ADARB2: variants seen among roughly 807,000 people sequenced by gnomAD.
ADARB2 encodes the protein inactive double-stranded RNA-specific editase B2.
Under a neutral mutation model 62.2 loss-of-function variants are expected in ADARB2, and 25 were observed. The ratio of observed to expected loss-of-function variants is 0.40; its 90% CI spans 0.29 to 0.56. The LOEUF is 0.56. Among genes scored for constraint, ADARB2 ranks in the 20% least tolerant of loss-of-function variants. The pLI is 0.43. For synonymous variants in ADARB2, 572 were observed against 500.8 expected, an observed-to-expected ratio of 1.14 and a Z score of -1.90; for missense variants, 1,071 against 1,077.4, an observed-to-expected ratio of 0.99 and a Z score of 0.08.
At chr10:1,282,459 A>T (rs892508550) in intron 3 of ADARB2, among the ~76,000 whole-genome samples, 1 of 152,220 alleles carries the variant, frequency 6.6e-6, no homozygotes, top group African/African-American at 2.4e-5. Context: ...GTAGTTTTCC[A>T]TAGTTGAATT....
chr10:1,696,788 G>T (rs1009191878), intron 1 of ADARB2, among the ~76,000 whole-genome samples: 1 of 152,166 alleles, frequency 6.6e-6, no homozygotes, highest in Non-Finnish European at 1.5e-5. Context: ...GCTGTGACAA[G>T]GTGGATGCAG....
intron 3 of ADARB2, among the ~76,000 whole-genome samples, chr10:1,331,493 A>G (rs904471236): frequency 2.0e-5 from 3 of 152,238 alleles, no homozygotes; most frequent in Non-Finnish European, 4.4e-5. Flanking sequence ...GCCAGACACA[A>G]ATGCTCACTT....
At chr10:1,288,575 G>A (rs1831434974) in intron 3 of ADARB2, among the ~76,000 whole-genome samples, 1 of 152,218 alleles carries the variant, frequency 6.6e-6, no homozygotes, top group Non-Finnish European at 1.5e-5. Context: ...CCCACAATGC[G>A]TGCTGCCTCT....
intron 7 of ADARB2, among the ~76,000 whole-genome samples, chr10:1,214,409 CCT>C (rs1837204422): frequency 7.8e-6 from 1 of 128,726 alleles, no homozygotes; most frequent in Non-Finnish European, 1.7e-5. Context: ...TGGGTTTGCC[CCT>C]GTGCCTGGAC....
chr10:1,500,304 T>C (rs909138151), intron 1 of ADARB2, among the ~76,000 whole-genome samples: 3 of 152,228 alleles, frequency 2.0e-5, no homozygotes, highest in African/African-American at 7.2e-5. Context: ...CCCTGAACTC[T>C]AAGGACATTT....
chr10:1,734,349 A>C lies in ADARB2; in HGVS notation c.100+2702T>G, dbSNP rs374281513. Among the ~76,000 whole-genome samples, 40 of 149,852 alleles carry C rather than the reference A, an allele frequency of 2.7e-4. 1 individual carries two copies. In the South Asian group the frequency reaches 6.1e-3, roughly 23 times the overall value. On this transcript the variant is annotated intron_variant, in intron 1 of 9. Coordinates refer to ENST00000381312, the MANE Select transcript of ADARB2 (RefSeq NM_018702.4). ...CATACAGCTGCCTTTGTGGCATAGTAACTAAAATATAACTTCTACAGAAAA... is the reference window on the plus strand; with the variant it reads ...CATACAGCTGCCTTTGTGGCATAGTCACTAAAATATAACTTCTACAGAAAA...
intron 1 of ADARB2, among the ~76,000 whole-genome samples, chr10:1,585,599 G>A (rs1179578521): frequency 6.6e-6 from 1 of 152,178 alleles, no homozygotes; most frequent in Non-Finnish European, 1.5e-5. Context: ...CCTCTCACAT[G>A]GGAATTGTGT....
At chr10:1,256,778 AT>A (rs1343857732) in intron 4 of ADARB2, among the ~76,000 whole-genome samples, 4 of 152,204 alleles carry the variant, frequency 2.6e-5, no homozygotes, top group Non-Finnish European at 5.9e-5. Flanking sequence ...ACGCTTTGCA[AT>A]TAATAGATTG....
chr10:1,575,738 A>G (rs1833002247), intron 1 of ADARB2, among the ~76,000 whole-genome samples: 1 of 152,140 alleles, frequency 6.6e-6, no homozygotes, highest in African/African-American at 2.4e-5. Context: ...GTCAAGCTCC[A>G]TGGTTTCCAG....
chr10:1,186,062 G>C (rs981737357), intron 8 of ADARB2, among the ~76,000 whole-genome samples: 1 of 152,202 alleles, frequency 6.6e-6, no homozygotes, highest in Non-Finnish European at 1.5e-5. Flanking sequence ...GACGGCCTGA[G>C]GATTCCAAAA....
chr10:1,342,140 C>T (rs114277329), intron 3 of ADARB2, among the ~76,000 whole-genome samples: 1,980 of 152,346 alleles, frequency 0.013, 52 homozygotes, highest in African/African-American at 0.045. Context: ...CCTGCTCACT[C>T]TCAAAGATGG....
chr10:1,461,863 G>A lies in ADARB2; in HGVS notation c.101-82703C>T, dbSNP rs185550136. Among the ~76,000 whole-genome samples, 123 of 152,144 alleles carry A rather than the reference G, an allele frequency of 8.1e-4. 1 individual carries two copies. The highest frequency in any genetic ancestry group is 2.2e-3 in the African/African-American group (92 of 41,510). ...AAAAATATGAAAAAATTAGCCAGGC[G>A]TGGTGGCATGCACCTGTGATTTCAG... On this transcript the variant is annotated intron_variant, in intron 1 of 9. Coordinates refer to ENST00000381312, the MANE Select transcript of ADARB2 (RefSeq NM_018702.4).
intron 5 of ADARB2, among the ~76,000 whole-genome samples, chr10:1,238,662 T>C (rs1386563582): frequency 3.7e-3 from 4 of 1,078 alleles, no homozygotes; most frequent in South Asian, 0.025. Context: ...TTTACTCCCC[T>C]CTCCCTCCCG....
chr10:1,475,236 C>G (rs902913025), intron 1 of ADARB2, among the ~76,000 whole-genome samples: 1 of 152,214 alleles, frequency 6.6e-6, no homozygotes, highest in Non-Finnish European at 1.5e-5. Flanking sequence ...CGCTGCTGCT[C>G]TAGGGGCTTA....
At chr10:1,577,151 C>T (rs1030330819) in intron 1 of ADARB2, among the ~76,000 whole-genome samples, 3 of 152,148 alleles carry the variant, frequency 2.0e-5, no homozygotes, top group Non-Finnish European at 2.9e-5. Flanking sequence ...AGCCCAGGTG[C>T]GCTCTGGTGT....
intron 1 of ADARB2, among the ~76,000 whole-genome samples, chr10:1,717,872 C>G (rs1434739751): frequency 6.6e-6 from 1 of 152,158 alleles, no homozygotes; most frequent in East Asian, 1.9e-4. Flanking sequence ...GCCCCCACAC[C>G]CAGACACCAG....
chr10:1,545,116 G>A (rs774797458), intron 1 of ADARB2, among the ~76,000 whole-genome samples: 5 of 152,118 alleles, frequency 3.3e-5, no homozygotes, highest in Non-Finnish European at 5.9e-5. Context: ...CACAGCTGCT[G>A]GCCTTGGCAT....
intron 4 of ADARB2, among the ~76,000 whole-genome samples, chr10:1,252,107 A>G (rs1831042322): frequency 6.6e-6 from 1 of 152,118 alleles, no homozygotes; most frequent in Non-Finnish European, 1.5e-5. Context: ...GGCTTTTATT[A>G]TTTACTTGGA....
In ADARB2 at chr10:1,327,268, C is replaced by T. The variant is rs563019504; in HGVS notation, c.1077+35760G>A. On this transcript the variant is annotated intron_variant, in intron 3 of 9. Transcript: ENST00000381312. ...CTCCTCACTGCCCAGCGCCTCCTCA[C>T]TGCACAGCGCCTCCTCACTGCCCAG... is the stretch of plus-strand genomic sequence containing the variant. Among the ~76,000 whole-genome samples the T allele has an allele frequency of 1.0e-3, 94 of 93,508 alleles. 5 individuals are homozygous for T. Among genetic ancestry groups the T allele is most frequent in the African/African-American group, 3.6e-3 (88 of 24,146 alleles). 61.3% of individuals were successfully genotyped at this position (93,508 alleles called of 152,430 possible).
Sources: allele counts gnomAD v4.1 joint callset (sites outside exome capture counted in the v4.1 genomes callset), GRCh38; gene constraint gnomAD v4.1.1; transcripts MANE v1.5; gene names NCBI Gene and HGNC (gene_info 2026-07-23, HGNC 2026-07-21).